Variants in C8orf34 observed in about 807,000 individuals in gnomAD.
C8orf34 encodes the protein uncharacterized protein C8orf34.
A neutral mutation model predicts 68.3 loss-of-function variants in C8orf34; 65 were observed. That is an observed-to-expected ratio of 0.95 (90% confidence interval 0.78 to 1.17). C8orf34 has a LOEUF of 1.17. C8orf34 is among the 50% of genes most tolerant of loss of function. The pLI, the probability that C8orf34 is intolerant of heterozygous loss-of-function variation, is 0.00. For synonymous variants in C8orf34, 244 were observed against 241.2 expected, an observed-to-expected ratio of 1.01 and a Z score of -0.11; for missense variants, 664 against 655.4, an observed-to-expected ratio of 1.01 and a Z score of -0.14.
chr8:68,625,308 A>G (rs1818507030), intron 7 of C8orf34, among the ~76,000 whole-genome samples: 2 of 152,138 alleles, frequency 1.3e-5, no homozygotes. Flanking sequence ...ACCTTTTTAT[A>G]TTTTTAATTT....
chr8:68,798,639 T>A (rs1027053990), intron 12 of C8orf34, among the ~76,000 whole-genome samples: 2 of 152,140 alleles, frequency 1.3e-5, no homozygotes, highest in African/African-American at 4.8e-5. Context: ...AAGCAAAACA[T>A]TCCAATGCCA....
intron 8 of C8orf34, among the ~76,000 whole-genome samples, chr8:68,697,789 A>G (rs548049308): frequency 6.6e-6 from 1 of 152,172 alleles, no homozygotes; most frequent in East Asian, 1.9e-4. Flanking sequence ...GATTAGGGGA[A>G]CTTTCGTCCA....
chr8:68,734,210 C>T (rs1423618476), intron 10 of C8orf34, among the ~76,000 whole-genome samples: 1 of 152,048 alleles, frequency 6.6e-6, no homozygotes, highest in African/African-American at 2.4e-5. Context: ...ACTTGGAGAT[C>T]ACAAAAGTTG....
At chr8:68,673,859 C>A (rs539376169) in intron 8 of C8orf34, among the ~76,000 whole-genome samples, 23 of 152,130 alleles carry the variant, frequency 1.5e-4, no homozygotes, top group Non-Finnish European at 1.6e-4. Flanking sequence ...TCGTCTGACT[C>A]GGCACAGTCC....
intron 10 of C8orf34, among the ~76,000 whole-genome samples, chr8:68,728,163 C>T (rs556988990): frequency 2.2e-4 from 33 of 152,290 alleles, no homozygotes; most frequent in African/African-American, 7.5e-4. Flanking sequence ...TAGTCTCTCT[C>T]AAGTTCAAAG....
At chr8:68,609,832 C>A (rs1586445213) in intron 7 of C8orf34, among the ~76,000 whole-genome samples, 1 of 152,112 alleles carries the variant, frequency 6.6e-6, no homozygotes, top group East Asian at 1.9e-4. Flanking sequence ...TATGGTCCAG[C>A]CACTAGTTTC....
chr8:68,556,901 C>A (rs1816273774), intron 7 of C8orf34, among the ~76,000 whole-genome samples: 1 of 152,032 alleles, frequency 6.6e-6, no homozygotes, highest in Admixed American at 6.6e-5. Flanking sequence ...ATTTTTCATT[C>A]TTTCACAAAC....
rs576679150 is a variant in C8orf34, at chr8:68,546,096, C to T, written c.1105+12947C>T. On this transcript the variant is annotated intron_variant, in intron 7 of 13. Coordinates refer to ENST00000518698, the MANE Select transcript of C8orf34 (RefSeq NM_052958.4). ...GTTAAAAAAAGTACAAAGAGTTTTC[C>T]CTAAAAAGCTAATATAAAACATCAC... Among the ~76,000 whole-genome samples the T allele has an allele frequency of 1.0e-3, 158 of 151,956 alleles. 1 individual carries two copies. The highest frequency in any genetic ancestry group is 3.6e-3 in the African/African-American group (150 of 41,488).
chr8:68,780,060 G>A (rs1157206136), intron 11 of C8orf34, among the ~76,000 whole-genome samples: 3 of 152,082 alleles, frequency 2.0e-5, no homozygotes, highest in African/African-American at 7.2e-5. Context: ...TAGTCATAAA[G>A]GAATGCTGAA....
At chr8:68,602,629 G>A (rs2130503823) in intron 7 of C8orf34, among the ~76,000 whole-genome samples, 1 of 152,182 alleles carries the variant, frequency 6.6e-6, no homozygotes, top group African/African-American at 2.4e-5. Context: ...ATTTGGGTGG[G>A]GAAACAGCCA....
At chr8:68,617,228 T>A (rs776074564) in intron 7 of C8orf34, among the ~76,000 whole-genome samples, 22 of 152,230 alleles carry the variant, frequency 1.4e-4, no homozygotes, top group Non-Finnish European at 2.4e-4. Flanking sequence ...CTGATGGGTC[T>A]TGACTCTATC....
chr8:68,695,252 T>C lies in C8orf34; in HGVS notation c.1242-13742T>C, dbSNP rs144307296. The stretch of plus-strand genomic sequence containing the variant: ...ACCTCTGCCTCCTGGATTCAACCGA[T>C]TCTCCTGCCTCAACCTACCCGAGTA... On this transcript the variant is annotated intron_variant, in intron 8 of 13. Transcript: ENST00000518698. Among the ~76,000 whole-genome samples, 495 of 152,006 alleles carry C rather than the reference T, an allele frequency of 3.3e-3. 5 individuals are homozygous for C. The highest frequency in any genetic ancestry group is 0.011 in the African/African-American group (453 of 41,484).
intron 7 of C8orf34, among the ~76,000 whole-genome samples, chr8:68,592,922 T>G (rs1327300329): frequency 1.3e-5 from 2 of 152,132 alleles, no homozygotes; most frequent in African/African-American, 4.8e-5. Context: ...CTTTTTCTTC[T>G]TTTATTCGAT....
At chr8:68,535,501 G>A in intron 7 of C8orf34, 1 of 959,028 alleles carries the variant, frequency 1.0e-6, no homozygotes, top group Non-Finnish European at 1.2e-6. Flanking sequence ...CAATAAAATT[G>A]GTTGATTTGA....
chr8:68,720,134 A>C (rs755891010), intron 9 of C8orf34, among the ~76,000 whole-genome samples: 14 of 151,978 alleles, frequency 9.2e-5, no homozygotes, highest in South Asian at 2.1e-4. Context: ...TGTCAGGAAA[A>C]GTAGTAAGTA....
rs1170552260 is a variant in C8orf34, at chr8:68,533,687, T to A, written c.1105+538T>A. 6.3e-6 allele frequency: 6 copies of A among 958,734 alleles called. No individual in the cohort carries two copies. In the African/African-American group the frequency reaches 1.1e-4, roughly 17 times the overall value. The allele number at this position is 958,734 out of a possible 1,614,324, so 59.4% of individuals were successfully genotyped here. Reference sequence around the variant, plus strand: ...TCAGGCCTGTTACTTTCATGAAACCTTATTAATCTTGTATATGTAGGATAT... The same window carrying A: ...TCAGGCCTGTTACTTTCATGAAACCATATTAATCTTGTATATGTAGGATAT... On this transcript the variant is annotated intron_variant, in intron 7 of 13. Transcript: ENST00000518698.
intron 7 of C8orf34, among the ~76,000 whole-genome samples, chr8:68,556,304 T>A (rs921255359): frequency 2.0e-5 from 3 of 151,318 alleles, no homozygotes; most frequent in Non-Finnish European, 2.9e-5. Flanking sequence ...CTTTTTTTTT[T>A]TTTTTTTTGC....
chr8:68,449,779 T>C (rs1248276837), intron 3 of C8orf34, among the ~76,000 whole-genome samples: 2 of 152,122 alleles, frequency 1.3e-5, no homozygotes, highest in Admixed American at 6.6e-5. Context: ...TTGACATTGA[T>C]GGCTGTGGAC....
At chr8:68,605,096 A>C (rs1817816367) in intron 7 of C8orf34, among the ~76,000 whole-genome samples, 1 of 152,166 alleles carries the variant, frequency 6.6e-6, no homozygotes, top group African/African-American at 2.4e-5. Flanking sequence ...GAAAATAAGC[A>C]CTTGAAAATG....
Sources: allele counts gnomAD v4.1 joint callset (sites outside exome capture counted in the v4.1 genomes callset), GRCh38; gene constraint gnomAD v4.1.1; transcripts MANE v1.5; gene names NCBI Gene and HGNC (gene_info 2026-07-23, HGNC 2026-07-21).